NNT: variants seen among roughly 807,000 people sequenced by gnomAD.
NNT encodes the protein NAD(P) transhydrogenase, mitochondrial.
Under a neutral mutation model 104.8 loss-of-function variants are expected in NNT, and 50 were observed. That is an observed-to-expected ratio of 0.48 (90% CI 0.38 to 0.60). NNT has a LOEUF of 0.60. Among genes scored for constraint, NNT ranks in the 20% least tolerant of loss-of-function variants. The pLI, the probability that NNT is intolerant of heterozygous loss-of-function variation, is 0.00. For missense variants in NNT, 1,131 were observed against 1,330.7 expected, an observed-to-expected ratio of 0.85 and a Z score of 2.33; for synonymous variants, 461 against 490.4, an observed-to-expected ratio of 0.94 and a Z score of 0.79.
intron 7 of NNT, among the ~76,000 whole-genome samples, chr5:43,641,569 G>A (rs1751243158): frequency 1.3e-5 from 2 of 151,974 alleles, no homozygotes; most frequent in South Asian, 2.1e-4. Context: ...ATTGTATTAT[G>A]TAATATTAAT....
At chr5:43,607,833 C>T (rs1196605345) in intron 1 of NNT, among the ~76,000 whole-genome samples, 1 of 152,224 alleles carries the variant, frequency 6.6e-6, no homozygotes, top group Admixed American at 6.5e-5. Flanking sequence ...ATCAGATGCT[C>T]AGTCCCGTGA....
At chr5:43,658,567 G>T (rs1740182797) in intron 16 of NNT, among the ~76,000 whole-genome samples, 2 of 152,264 alleles carry the variant, frequency 1.3e-5, no homozygotes, top group South Asian at 4.1e-4. Context: ...GTGGTGGGGG[G>T]CAGCTGAAAT....
In NNT at chr5:43,608,750, T is replaced by C. The variant is rs556675512; in HGVS notation, c.-53-393T>C. On this transcript the variant is annotated intron_variant, in intron 1 of 21. Transcript: ENST00000344920. ...TAAGGGAAATTCAAAGGTAACTGAA[T>C]TACATGCACTTTTTGCTGGACATGC... Among the ~76,000 whole-genome samples the C allele has an allele frequency of 4.6e-5, 7 of 152,348 alleles. No individual in the cohort carries two copies. The East Asian group carries it at 1.2e-3, about 25-fold the overall frequency.
chr5:43,677,763 G>T lies in NNT; in HGVS notation c.2833G>T (p.Ala945Ser). 1 of 1,613,768 alleles carries T rather than the reference G, an allele frequency of 6.2e-7. No individual in the cohort carries two copies. Among genetic ancestry groups the T allele is most frequent in the Non-Finnish European group, 8.5e-7 (1 of 1,179,720 alleles). ...TGCAGCCAAAGCTCAATACCCCATT[G>T]CTGATTTGGTAAAGATGCTCACTGA... ...LCAAKAQYPI[A>S]DLVKMLTEQG... Residue 945 changes from alanine to serine, a missense_variant, in exon 19 of 22, where the codon GCT becomes TCT. Ala to Ser is a moderately conservative substitution (Grantham distance 99). Coordinates refer to ENST00000344920, the MANE Select transcript of NNT (RefSeq NM_182977.3).
chr5:43,693,736 A>AAGTTCAACACTTAGTTG lies in NNT; in HGVS notation c.2877-6383_2877-6382insAGTTCAACACTTAGTTG, dbSNP rs1231794146. Among the ~76,000 whole-genome samples the AAGTTCAACACTTAGTTG allele has an allele frequency of 9.2e-5, 14 of 152,232 alleles. 1 individual carries two copies. The highest frequency in any genetic ancestry group is 2.6e-4 in the Admixed American group (4 of 15,288). ...AAAAAATTAACTTAAGTGTTGAACT[A>AAGTTCAACACTTAGTTG]GCTGTAATATTGCCAAAAGTGATAG... On this transcript the variant is annotated intron_variant, in intron 19 of 21. Coordinates refer to ENST00000344920, the MANE Select transcript of NNT (RefSeq NM_182977.3).
rs1743037024 is a variant in NNT, at chr5:43,704,862, CT to C, written c.*462del. ...TTCAACAAATGTGACTAATTTGAAA[CT>C]TTTATGAACTTCTGAGCTGTCCCCT... On this transcript the variant is annotated 3_prime_UTR_variant, in exon 22 of 22. Transcript: ENST00000344920. The C allele has an allele frequency of 2.6e-5, 4 of 155,704 alleles. No individual in the cohort carries two copies. The East Asian group carries it at 7.7e-4, about 30-fold the overall frequency. 9.6% of individuals were successfully genotyped at this position (155,704 alleles called of 1,614,324 possible). A position where few individuals can be genotyped will look rare whatever the true frequency, so the allele number is the denominator to read the frequency against.
rs1259641625 is a variant in NNT, at chr5:43,659,369, A to G, written c.2634+19A>G. The G allele has an allele frequency of 1.3e-6, 2 of 1,579,520 alleles. No homozygotes were observed. Among genetic ancestry groups the G allele is most frequent in the Non-Finnish European group, 1.7e-6 (2 of 1,162,180 alleles). On this transcript the variant is annotated intron_variant, in intron 17 of 21. Transcript: ENST00000344920. ...GTGTGTGGTAAGAAACAACACATAC[A>G]TGAAACAAAAGGAAATGGCTTCCTG...
chr5:43,648,983 TC>T (rs1375683998), intron 10 of NNT, among the ~76,000 whole-genome samples, 163 bp from the exon 11 acceptor site: 2 of 152,074 alleles, frequency 1.3e-5, no homozygotes, highest in African/African-American at 4.8e-5. Context: ...TATTCCTCCA[TC>T]CCCCCACTTC....
intron 19 of NNT, among the ~76,000 whole-genome samples, chr5:43,684,775 C>T (rs1193789036): frequency 6.6e-6 from 1 of 152,002 alleles, no homozygotes; most frequent in Non-Finnish European, 1.5e-5. Context: ...TGATTTATAA[C>T]TGTCACCAGA....
chr5:43,696,589 C>T (rs538229767), intron 19 of NNT, among the ~76,000 whole-genome samples: 1 of 152,220 alleles, frequency 6.6e-6, no homozygotes, highest in Non-Finnish European at 1.5e-5. Context: ...TCCGACCCCA[C>T]ATTTCCCTTC....
chr5:43,651,401 A>AC (rs200849904), intron 12 of NNT, among the ~76,000 whole-genome samples: 2,120 of 151,164 alleles, frequency 0.014, 50 homozygotes, highest in African/African-American at 0.045. Context: ...ACACGATGAA[A>AC]CCCCCCTCTC....
intron 1 of NNT, among the ~76,000 whole-genome samples, chr5:43,606,639 A>G (rs995994937): frequency 6.6e-6 from 1 of 152,136 alleles, no homozygotes; most frequent in Non-Finnish European, 1.5e-5. Flanking sequence ...GCTATTTTTC[A>G]TTTGATTCTC....
chr5:43,609,396 C>CT (rs766381850), intron 2 of NNT, 50 bp downstream of exon 2: 103 of 1,562,708 alleles, frequency 6.6e-5, no homozygotes, highest in Non-Finnish European at 8.5e-5. Context: ...GTCATAGGAA[C>CT]TAATAGATCT....
chr5:43,702,902 C>G (rs1334144545), intron 21 of NNT, among the ~76,000 whole-genome samples, 166 bp downstream of exon 21: 1 of 152,128 alleles, frequency 6.6e-6, no homozygotes, highest in African/African-American at 2.4e-5. Context: ...TGTCTGTTCT[C>G]CGGCCACCAG....
In NNT at chr5:43,655,990, T is replaced by C. The variant is rs780798267; in HGVS notation, c.2210T>C (p.Leu737Pro). The C allele has an allele frequency of 2.5e-5, 40 of 1,614,238 alleles. No homozygotes were observed. The highest frequency in any genetic ancestry group is 3.2e-5 in the Non-Finnish European group (38 of 1,180,040). Residue 737 changes from leucine (L) to proline (P), a missense_variant, in exon 15 of 22, where the codon CTC becomes CCC. By Grantham distance (98) the Leu-to-Pro change is moderately conservative. Transcript: ENST00000344920. Reference protein sequence around the residue: ...PHFATDAAANLTKIVAYLGTY... With the variant: ...PHFATDAAANPTKIVAYLGTY... ...TTTGCTACGGATGCAGCAGCAAATC[T>C]CACCAAGATTGTGGCCTACCTCGGC...
intron 6 of NNT, 145 bp from the exon 7 acceptor site, chr5:43,628,055 G>T: frequency 1.8e-6 from 1 of 562,818 alleles, no homozygotes; most frequent in Non-Finnish European, 2.9e-6. Flanking sequence ...GAAAAAAATT[G>T]GAACAATTAA....
At chr5:43,667,319 C>T (rs201344871) in intron 17 of NNT, 11 of 602,772 alleles carry the variant, frequency 1.8e-5, no homozygotes, top group South Asian at 5.9e-5. Flanking sequence ...ATGTGCACAA[C>T]GTGCAGGTTT....
Position 43,664,997 on chromosome 5 carries a change from C to T in NNT, c.2634+5647C>T, listed in dbSNP as rs537638561. Among the ~76,000 whole-genome samples the T allele has an allele frequency of 9.3e-4, 142 of 152,042 alleles. 1 individual carries two copies. The highest frequency in any genetic ancestry group is 1.8e-3 in the Admixed American group (28 of 15,280). On this transcript the variant is annotated intron_variant, in intron 17 of 21. Transcript: ENST00000344920. ...AAGTGGGTACCCATTAATTAAATGT[C>T]CTCAGAGATTCTTTCCTTCTTCTTC...
chr5:43,668,176 C>T (rs1740821318), intron 17 of NNT, among the ~76,000 whole-genome samples: 1 of 150,378 alleles, frequency 6.6e-6, no homozygotes, highest in African/African-American at 2.4e-5. Flanking sequence ...GATATTAGCC[C>T]TTTGTCAGAT....
Sources: allele counts gnomAD v4.1 joint callset (sites outside exome capture counted in the v4.1 genomes callset), GRCh38; gene constraint gnomAD v4.1.1; transcripts MANE v1.5; gene names NCBI Gene and HGNC (gene_info 2026-07-23, HGNC 2026-07-21).